CHCHD6: variants seen among roughly 807,000 people sequenced by gnomAD.
CHCHD6 encodes coiled-coil-helix-coiled-coil-helix domain containing 6, also known as MICOS complex subunit MIC25.
A neutral mutation model predicts 32.3 loss-of-function variants in CHCHD6; 28 were observed. That is an observed-to-expected ratio of 0.87 (90% CI 0.64 to 1.19). CHCHD6 has a LOEUF of 1.19. Among genes scored for constraint, CHCHD6 ranks in the 50% most tolerant of loss-of-function variants. The pLI, the probability that CHCHD6 is intolerant of heterozygous loss-of-function variation, is 0.00. For synonymous variants in CHCHD6, 122 were observed against 117.5 expected, an observed-to-expected ratio of 1.04 and a Z score of -0.25; for missense variants, 333 against 307.0, an observed-to-expected ratio of 1.08 and a Z score of -0.63.
At chr3:126,735,600 C>T (rs979553562) in intron 4 of CHCHD6, among the ~76,000 whole-genome samples, 1 of 152,160 alleles carries the variant, frequency 6.6e-6, no homozygotes, top group African/African-American at 2.4e-5. Context: ...CAAGCTTAGC[C>T]AGCTTGCACC....
At chr3:126,838,764 A>G (rs1940959624) in intron 4 of CHCHD6, among the ~76,000 whole-genome samples, 1 of 152,190 alleles carries the variant, frequency 6.6e-6, no homozygotes, top group Non-Finnish European at 1.5e-5. Context: ...ATTGCAAATA[A>G]TTGTTAGAGC....
intron 4 of CHCHD6, among the ~76,000 whole-genome samples, chr3:126,837,690 C>A (rs1940914734): frequency 6.6e-6 from 1 of 152,178 alleles, no homozygotes. Context: ...TTTATAGATT[C>A]ATGCCTGGTT....
chr3:126,772,929 A>G (rs1328428842), intron 4 of CHCHD6, among the ~76,000 whole-genome samples: 2 of 152,172 alleles, frequency 1.3e-5, no homozygotes, highest in East Asian at 3.8e-4. Context: ...TCTAGTGGTA[A>G]TGAATTCCCT....
At chr3:126,913,397 T>A (rs1354488316) in intron 5 of CHCHD6, among the ~76,000 whole-genome samples, 1 of 148,568 alleles carries the variant, frequency 6.7e-6, no homozygotes, top group Non-Finnish European at 1.5e-5. Flanking sequence ...ACCCAGCTAA[T>A]TTTTTTTTTG....
chr3:126,789,856 A>G (rs968688686), intron 4 of CHCHD6, among the ~76,000 whole-genome samples: 1 of 151,490 alleles, frequency 6.6e-6, no homozygotes, highest in Non-Finnish European at 1.5e-5. Flanking sequence ...TGTGAATTCG[A>G]TCCTGTCATT....
At chr3:126,851,520 G>A (rs1316300539) in intron 4 of CHCHD6, among the ~76,000 whole-genome samples, 1 of 152,232 alleles carries the variant, frequency 6.6e-6, no homozygotes, top group African/African-American at 2.4e-5. Flanking sequence ...CCCTAGCATA[G>A]GGACAGACAA....
intron 4 of CHCHD6, among the ~76,000 whole-genome samples, chr3:126,790,210 C>A (rs975345531): frequency 3.9e-5 from 6 of 152,106 alleles, no homozygotes; most frequent in African/African-American, 1.5e-4. Flanking sequence ...GTCTGATGGG[C>A]TTCCCTTTGT....
chr3:126,930,300 CT>C (rs1188585977), intron 6 of CHCHD6, among the ~76,000 whole-genome samples: 2 of 152,242 alleles, frequency 1.3e-5, no homozygotes, highest in African/African-American at 4.8e-5. Flanking sequence ...AGAATGTACC[CT>C]TTTGAAAATC....
intron 4 of CHCHD6, among the ~76,000 whole-genome samples, chr3:126,848,554 A>G (rs1388564640): frequency 6.6e-6 from 1 of 152,206 alleles, no homozygotes; most frequent in Admixed American, 6.5e-5. Context: ...TATTTTTGGT[A>G]TGCAATAGTA....
intron 6 of CHCHD6, among the ~76,000 whole-genome samples, chr3:126,950,643 G>T (rs1466706301): frequency 6.6e-6 from 1 of 152,140 alleles, no homozygotes; most frequent in South Asian, 2.1e-4. Context: ...TAGAGATGAG[G>T]TTTCACCATG....
chr3:126,950,737 A>G (rs1485840457), intron 6 of CHCHD6, among the ~76,000 whole-genome samples: 5 of 151,952 alleles, frequency 3.3e-5, no homozygotes, highest in Admixed American at 6.5e-5. Flanking sequence ...GGCATGAGCC[A>G]TTGCACCTGG....
chr3:126,914,985 A>G (rs1007851476), intron 6 of CHCHD6, among the ~76,000 whole-genome samples: 1 of 152,242 alleles, frequency 6.6e-6, no homozygotes, highest in Admixed American at 6.5e-5. Flanking sequence ...GTGCTAGGGT[A>G]GACTTGCAGA....
intron 2 of CHCHD6, among the ~76,000 whole-genome samples, chr3:126,729,764 A>G (rs1163297676): frequency 1.3e-5 from 2 of 152,152 alleles, no homozygotes; most frequent in Non-Finnish European, 2.9e-5. Flanking sequence ...AGCGCCTCAC[A>G]CAGCCTGGTT....
chr3:126,893,975 G>A (rs963035784), intron 5 of CHCHD6, among the ~76,000 whole-genome samples: 5 of 152,378 alleles, frequency 3.3e-5, no homozygotes, highest in East Asian at 3.9e-4. Flanking sequence ...GAGCTGTGCT[G>A]CTGAGAGGGC....
intron 4 of CHCHD6, among the ~76,000 whole-genome samples, chr3:126,777,419 C>T (rs1255501093): frequency 6.6e-6 from 1 of 152,176 alleles, no homozygotes; most frequent in Non-Finnish European, 1.5e-5. Context: ...GTTATTTCAG[C>T]ACCAAATCAG....
At chr3:126,767,006 C>T (rs535083354) in intron 4 of CHCHD6, 8 of 870,314 alleles carry the variant, frequency 9.2e-6, no homozygotes, top group African/African-American at 6.6e-5. Flanking sequence ...CACACAGCTA[C>T]ATTTGGTACA....
At chr3:126,796,857 C>T (rs1033206724) in intron 4 of CHCHD6, among the ~76,000 whole-genome samples, 8 of 152,164 alleles carry the variant, frequency 5.3e-5, no homozygotes, top group Admixed American at 3.3e-4. Flanking sequence ...ACTGTATCTC[C>T]GTAGTCCTCA....
chr3:126,794,628 T>C (rs1938705558), intron 4 of CHCHD6, among the ~76,000 whole-genome samples: 1 of 152,142 alleles, frequency 6.6e-6, no homozygotes, highest in African/African-American at 2.4e-5. Flanking sequence ...ATGTCTTTCA[T>C]TTTCCAGCTG....
intron 5 of CHCHD6, among the ~76,000 whole-genome samples, chr3:126,911,356 G>T (rs1400070682): frequency 1.3e-5 from 2 of 152,202 alleles, no homozygotes; most frequent in Non-Finnish European, 2.9e-5. Context: ...AGAGTGCCCT[G>T]CCCTTCCCAG....
Sources: allele counts gnomAD v4.1 joint callset (sites outside exome capture counted in the v4.1 genomes callset), GRCh38; gene constraint gnomAD v4.1.1; transcripts MANE v1.5; gene names NCBI Gene and HGNC (gene_info 2026-07-23, HGNC 2026-07-21).